Variants in LAMB3 observed in about 807,000 individuals in gnomAD.
The protein encoded by LAMB3 is laminin subunit beta 3, also known as laminin subunit beta-3.
A neutral mutation model predicts 140.3 loss-of-function variants in LAMB3; 104 were observed. The observed-to-expected ratio is 0.74, with a 90% CI of 0.63 to 0.87. LAMB3 has a LOEUF of 0.87. Ranked by LOEUF, LAMB3 falls within the 40% of genes least tolerant of loss-of-function variation. The pLI, the probability that LAMB3 is intolerant of heterozygous loss-of-function variation, is 0.00. For missense variants in LAMB3, 1,531 were observed against 1,575.2 expected (o/e 0.97, Z 0.47); for synonymous variants, 592 against 602.9 (o/e 0.98, Z 0.26).
chr1:209,647,836 G>A (rs1253455323), intron 3 of LAMB3, among the ~76,000 whole-genome samples: 1 of 151,986 alleles, frequency 6.6e-6, no homozygotes, highest in East Asian at 1.9e-4. Flanking sequence ...CCACTTCATG[G>A]GTGTTATAAG....
intron 13 of LAMB3, 43 bp downstream of exon 13, chr1:209,626,824 C>T (rs751436472): frequency 1.0e-5 from 15 of 1,493,578 alleles, no homozygotes; most frequent in Admixed American, 6.7e-5. Flanking sequence ...CCCGCGTGCT[C>T]GGCCCCCAGA....
intron 3 of LAMB3, among the ~76,000 whole-genome samples, chr1:209,646,769 T>A (rs2076522499): frequency 6.6e-6 from 1 of 152,242 alleles, no homozygotes; most frequent in African/African-American, 2.4e-5. Context: ...AGTTTGCATC[T>A]GCCAGGCACT....
At position 209,623,607 on chromosome 1, in the gene LAMB3, C is replaced by T. The variant is rs151334148; in HGVS notation, c.2256G>A (p.Leu752=). 1 of 1,614,232 alleles carries T rather than the reference C, an allele frequency of 6.2e-7. No individual in the cohort carries two copies. The highest frequency in any genetic ancestry group is 1.3e-5 in the African/African-American group (1 of 75,066). Residue 752 remains leucine (L), a synonymous_variant, in exon 16 of 23, where the codon CTG becomes CTA. Transcript: ENST00000356082. The surrounding 1 kb of genome is among the most constrained non-coding windows in gnomAD (Gnocchi z 4.2). The part of the protein sequence containing the change: ...LRDSRREAER[L]VRQAGGGGGT... ...CTCCTCCTCCTCCCGCCTGCCGCAC[C>T]AGCCTCTCTGCCTCTCTCCGGCTGT...
In LAMB3 at chr1:209,622,678, A is replaced by T; in HGVS notation, c.2559T>A (p.Ile853=). 1 of 1,614,032 alleles carries T rather than the reference A, an allele frequency of 6.2e-7. No homozygotes were observed. ...NAQLQRTRQM[I]RAAEESASQI... The stretch of plus-strand genomic sequence containing the variant: ...GTGAGGCAGATTCCTCGGCTGCCCT[A>T]ATCTGTTGACATACACTCTAGGTCA... The change falls in exon 18 of 23, where the codon ATT becomes ATA. Residue 853 remains isoleucine (I), a splice_region_variant and synonymous_variant. Coordinates refer to ENST00000356082, the MANE Select transcript of LAMB3 (RefSeq NM_000228.3).
chr1:209,630,687 C>T lies in LAMB3; in HGVS notation c.871G>A (p.Glu291Lys), dbSNP rs763950597. The change falls in exon 9 of 23, where the codon GAG becomes AAG. Residue 291 changes from glutamate (E) to lysine (K), a missense_variant. Transcript: ENST00000356082. ...CQHNTAGPNC[E>K]RCAPFYNNRP... is the part of the protein sequence containing the mutation. ...TTGTTGTAGAAGGGTGCACAGCGCT[C>T]ACAATTTGGGCCGGCAGTGTTGTGC... 2.5e-6 allele frequency: 4 copies of T among 1,614,078 alleles called. No individual in the cohort carries two copies. Among genetic ancestry groups the T allele is most frequent in the African/African-American group, 1.3e-5 (1 of 75,026 alleles).
chr1:209,623,307 C>T lies in LAMB3; in HGVS notation c.2359-128G>A, dbSNP rs1338568769. The T allele has an allele frequency of 1.9e-6, 2 of 1,075,692 alleles. No homozygotes were observed. Among genetic ancestry groups the T allele is most frequent in the Non-Finnish European group, 2.8e-6 (2 of 710,938 alleles). The allele number at this position is 1,075,692 out of a possible 1,614,324, so 66.6% of individuals were successfully genotyped here. On this transcript the variant is annotated intron_variant, in intron 16 of 22. Transcript: ENST00000356082. The surrounding 1 kb of genome is among the most constrained non-coding windows in gnomAD (Gnocchi z 4.2). Reference sequence around the variant, plus strand: ...AAGCACCAGAAACAGCCAGACATCTCCATGAGAGCTAAGGACCAGAAACTG... The same window carrying T: ...AAGCACCAGAAACAGCCAGACATCTTCATGAGAGCTAAGGACCAGAAACTG...
intron 1 of LAMB3, among the ~76,000 whole-genome samples, chr1:209,651,645 C>T (rs941420251): frequency 6.6e-6 from 1 of 151,976 alleles, no homozygotes; most frequent in Non-Finnish European, 1.5e-5. Flanking sequence ...GGCTGGGGCT[C>T]GACAAGAGGG....
At chr1:209,634,393 T>A in intron 6 of LAMB3, 54 bp downstream of exon 6, 1 of 1,550,714 alleles carries the variant, frequency 6.4e-7, no homozygotes, top group East Asian at 2.2e-5. Context: ...GTGTGAACAG[T>A]GGGACATCAG....
intron 5 of LAMB3, among the ~76,000 whole-genome samples, chr1:209,635,603 A>G (rs758287927): frequency 3.3e-5 from 5 of 152,024 alleles, no homozygotes; most frequent in African/African-American, 9.7e-5. Flanking sequence ...GGTTTTCACC[A>G]TGTTGGCCAG....
rs184615329 is a variant in LAMB3, at chr1:209,652,055, T to G, written c.-38+314A>C. Among the ~76,000 whole-genome samples the G allele has an allele frequency of 8.6e-4, 131 of 152,252 alleles. 1 individual carries two copies. The highest frequency in any genetic ancestry group is 3.0e-3 in the African/African-American group (126 of 41,546). On this transcript the variant is annotated intron_variant, in intron 1 of 22. Transcript: ENST00000356082. ...GACCCATCTTCTGACTTTCATCCAG[T>G]GCTTTCTCAGCTTTCCCACCCCTGA...
chr1:209,649,503 C>A (rs2076546364), intron 3 of LAMB3, among the ~76,000 whole-genome samples: 1 of 152,206 alleles, frequency 6.6e-6, no homozygotes, highest in Non-Finnish European at 1.5e-5. Flanking sequence ...TCTGACCCTG[C>A]TGGATAAGCT....
intron 7 of LAMB3, 108 bp from the exon 8 acceptor site, chr1:209,632,884 C>A: frequency 8.5e-7 from 1 of 1,172,520 alleles, no homozygotes; most frequent in Non-Finnish European, 1.3e-6. Flanking sequence ...GGGCCATCCT[C>A]TCCAGACCTC....
At chr1:209,640,187 C>T (rs1000727574) in intron 3 of LAMB3, among the ~76,000 whole-genome samples, 32 of 152,182 alleles carry the variant, frequency 2.1e-4, no homozygotes, top group Admixed American at 6.5e-4. Context: ...TCCAAAAATG[C>T]TTTATTAAAC....
chr1:209,623,195 G>C lies in LAMB3; in HGVS notation c.2359-16C>G, dbSNP rs201762576. The stretch of plus-strand genomic sequence containing the variant: ...TGCCACAGAGCTGTGGACAGATGGC[G>C]GTGTTAAAGAGGCTACCCAAAGCCC... On this transcript the variant is annotated splice_polypyrimidine_tract_variant and intron_variant, in intron 16 of 22. Coordinates refer to ENST00000356082, the MANE Select transcript of LAMB3 (RefSeq NM_000228.3). The surrounding 1 kb of genome is among the most constrained non-coding windows in gnomAD (Gnocchi z 4.2). The C allele has an allele frequency of 1.9e-6, 3 of 1,613,650 alleles. No homozygotes were observed. The highest frequency in any genetic ancestry group is 2.5e-6 in the Non-Finnish European group (3 of 1,179,782).
Position 209,623,376 on chromosome 1 carries a change from T to C in LAMB3, c.2358+129A>G, listed in dbSNP as rs189013410. The C allele has an allele frequency of 8.3e-5, 88 of 1,065,590 alleles. No homozygotes were observed. The East Asian group carries it at 2.1e-3, about 26-fold the overall frequency. The allele number at this position is 1,065,590 out of a possible 1,614,324, so 66.0% of individuals were successfully genotyped here. ...GAGCTCACAGTGAGCAGTACAAGGG[T>C]CGGGATGGCTGGGGGAGTGGGGTTC... On this transcript the variant is annotated intron_variant, in intron 16 of 22. Coordinates refer to ENST00000356082, the MANE Select transcript of LAMB3 (RefSeq NM_000228.3). This position sits in a 1 kb window ranked among gnomAD's most constrained non-coding sequence, Gnocchi z 4.2.
rs80356682 is a variant in LAMB3, at chr1:209,625,721, G to A, written c.1903C>T (p.Arg635Ter). 6.8e-4 allele frequency: 1,103 copies of A among 1,614,000 alleles called. No individual in the cohort carries two copies. The highest frequency in any genetic ancestry group is 8.7e-4 in the Non-Finnish European group (1,031 of 1,180,026). ...ACTGCGGGGCTGCTGAGAACTGCTC[G>A]GATCTGCTCAATCTTACTCTTTGCA... The part of the protein sequence containing the change: ...LDAKSKIEQI[R>*]AVLSSPAVTE... Residue 635 changes from arginine to a stop codon, truncating the protein, a stop_gained, in exon 14 of 23, where the codon CGA (arginine) becomes TGA (stop). Transcript: ENST00000356082. LOFTEE classifies it high-confidence loss of function.
At chr1:209,650,782 A>C (rs1014063248) in intron 2 of LAMB3, 135 bp downstream of exon 2, 2 of 856,498 alleles carry the variant, frequency 2.3e-6, no homozygotes, top group South Asian at 2.6e-5. Flanking sequence ...AGGTGTCCCC[A>C]GTAGACAAGT....
At chr1:209,645,722 G>GAAAA (rs36106096) in intron 3 of LAMB3, among the ~76,000 whole-genome samples, 23,161 of 137,146 alleles carry the variant, frequency 0.17, 2,258 homozygotes, top group African/African-American at 0.27. Flanking sequence ...TGTCCCAGGG[G>GAAAA]AAAAAAAAAA....
Position 209,618,049 on chromosome 1 carries a change from C to T in LAMB3, c.2910-1G>A, listed in dbSNP as rs2102405986. On this transcript the variant is annotated splice_acceptor_variant, in intron 19 of 22. Transcript: ENST00000356082. LOFTEE classifies it high-confidence loss of function. ...GCCCTCCACTGCATGGGCTCGGCTC[C>T]TGGGTGAGAGAAGCAGCAGGGAGAG... 1.9e-6 allele frequency: 3 copies of T among 1,614,156 alleles called. No individual in the cohort carries two copies. Among genetic ancestry groups the T allele is most frequent in the Non-Finnish European group, 2.5e-6 (3 of 1,180,032 alleles).
Sources: gnomAD v4.1 joint callset for allele counts (sites outside exome capture counted in the v4.1 genomes callset) on GRCh38, gnomAD v4.1.1 for gene constraint, Gnocchi (gnomAD v3.1) non-coding constraint, MANE v1.5 for transcripts, NCBI Gene and HGNC (gene_info 2026-07-23, HGNC 2026-07-21) for gene names.